The following FHOD3 variants were observed in gnomAD, a reference collection of about 807,000 sequenced individuals.
FHOD3 encodes formin homology 2 domain containing 3.
In FHOD3, 90 loss-of-function variants were observed where a neutral mutation model predicts 173.0. The observed-to-expected ratio is 0.52, with a 90% CI of 0.44 to 0.62. FHOD3 has a LOEUF of 0.62. FHOD3 is among the 20% of genes least tolerant of loss of function. FHOD3 has a pLI of 0.00. For synonymous variants in FHOD3, 828 were observed against 823.0 expected (o/e 1.01, Z -0.10); for missense variants, 1,945 against 2,034.7 (o/e 0.96, Z 0.85).
intron 1 of FHOD3, among the ~76,000 whole-genome samples, chr18:36,349,715 G>A (rs1167965703): frequency 6.6e-6 from 1 of 152,136 alleles, no homozygotes; most frequent in African/African-American, 2.4e-5. Context: ...TACATAAATC[G>A]AGACGTGACA....
At chr18:36,565,776 AAGAC>A (rs2058241999) in intron 5 of FHOD3, among the ~76,000 whole-genome samples, 2 of 152,226 alleles carry the variant, frequency 1.3e-5, no homozygotes, top group Non-Finnish European at 2.9e-5. Context: ...GAAGAGTGGG[AAGAC>A]AGACAAGCCA....
chr18:36,771,792 G>A (rs1308035084), intron 28 of FHOD3, among the ~76,000 whole-genome samples: 1 of 152,254 alleles, frequency 6.6e-6, no homozygotes, highest in Non-Finnish European at 1.5e-5. Flanking sequence ...GTTGGACCAA[G>A]GCTGTGAAGA....
chr18:36,534,290 G>A (rs373968051), intron 5 of FHOD3, among the ~76,000 whole-genome samples: 3 of 152,084 alleles, frequency 2.0e-5, no homozygotes, highest in African/African-American at 7.2e-5. Context: ...GGGTAATGCT[G>A]TGCTGTTGTT....
intron 14 of FHOD3, among the ~76,000 whole-genome samples, chr18:36,670,484 G>A (rs888590271): frequency 2.0e-5 from 3 of 151,762 alleles, no homozygotes; most frequent in South Asian, 2.1e-4. Flanking sequence ...CTTCAAGTTC[G>A]CTAATTATTT....
At chr18:36,362,419 G>A (rs769270955) in intron 2 of FHOD3, among the ~76,000 whole-genome samples, 2 of 152,222 alleles carry the variant, frequency 1.3e-5, no homozygotes, top group Non-Finnish European at 2.9e-5. Context: ...GGGAAATAGT[G>A]AGGTGATACA....
chr18:36,578,021 T>A (rs199512273), intron 6 of FHOD3, among the ~76,000 whole-genome samples: 47 of 152,240 alleles, frequency 3.1e-4, no homozygotes, highest in African/African-American at 1.1e-3. Context: ...AGAGTGGCTG[T>A]AGTGGGCAAC....
At chr18:36,435,458 G>A (rs1419948971) in intron 3 of FHOD3, among the ~76,000 whole-genome samples, 1 of 152,118 alleles carries the variant, frequency 6.6e-6, no homozygotes, top group Non-Finnish European at 1.5e-5. Context: ...ATCAGCATTA[G>A]TACTTTGTGG....
At position 36,693,304 on chromosome 18, in the gene FHOD3, T is replaced by C. The variant is rs756143998; in HGVS notation, c.2117T>C (p.Leu706Pro). The C allele has an allele frequency of 3.1e-6, 5 of 1,613,822 alleles. No individual in the cohort carries two copies. The highest frequency in any genetic ancestry group is 4.2e-6 in the Non-Finnish European group (5 of 1,179,834). The change falls in exon 17 of 29, where the codon CTG (leucine) becomes CCG (proline). Residue 706 changes from leucine (L) to proline (P), a missense_variant. Around this residue, in one of 5 missense-constraint regions of FHOD3, gnomAD observed 1,099 missense variants for 1,051.2 expected, o/e 1.05. Coordinates refer to ENST00000590592, the MANE Select transcript of FHOD3 (RefSeq NM_001281740.3). ...GGCAGAGCCGACCTCTCCTTGGACC[T>C]GACCTCGCCAGCAGCCCCAGCCTGC... is the stretch of plus-strand genomic sequence containing the variant. ...SRGRADLSLD[L>P]TSPAAPACLA...
intron 9 of FHOD3, among the ~76,000 whole-genome samples, chr18:36,620,520 G>A (rs1470680557): frequency 6.6e-6 from 1 of 152,208 alleles, no homozygotes; most frequent in Non-Finnish European, 1.5e-5. Context: ...TGTGCGACCT[G>A]TTTCCCTTTG....
intron 14 of FHOD3, among the ~76,000 whole-genome samples, chr18:36,662,870 C>G (rs2036906162): frequency 6.6e-6 from 1 of 152,216 alleles, no homozygotes; most frequent in African/African-American, 2.4e-5. Flanking sequence ...CCTCTTTCCT[C>G]AATCCCCTGG....
intron 6 of FHOD3, among the ~76,000 whole-genome samples, chr18:36,579,541 A>AGG (rs1478673465): frequency 6.6e-6 from 1 of 152,196 alleles, no homozygotes; most frequent in Non-Finnish European, 1.5e-5. Flanking sequence ...GTGATCCCCA[A>AGG]TGCAACAGTG....
intron 3 of FHOD3, among the ~76,000 whole-genome samples, chr18:36,417,874 C>A (rs543702504): frequency 1.3e-5 from 2 of 152,312 alleles, no homozygotes; most frequent in Admixed American, 1.3e-4. Flanking sequence ...TACCAACTTT[C>A]CATTTCCTTG....
chr18:36,373,664 T>G (rs2047300232), intron 3 of FHOD3, among the ~76,000 whole-genome samples: 1 of 152,192 alleles, frequency 6.6e-6, no homozygotes, highest in African/African-American at 2.4e-5. Context: ...TTCAGGTGAC[T>G]CAAACTTCAG....
intron 18 of FHOD3, among the ~76,000 whole-genome samples, chr18:36,711,782 T>G (rs908203464): frequency 6.6e-6 from 1 of 152,184 alleles, no homozygotes; most frequent in Non-Finnish European, 1.5e-5. Context: ...AAGTAAAACT[T>G]ATTCCCCTAG....
intron 14 of FHOD3, among the ~76,000 whole-genome samples, chr18:36,669,702 G>A (rs1432371027): frequency 2.0e-5 from 3 of 151,728 alleles, no homozygotes; most frequent in African/African-American, 7.2e-5. Flanking sequence ...TTTATGCTAC[G>A]GTGATCATGG....
chr18:36,630,958 C>G (rs776484260), intron 10 of FHOD3, among the ~76,000 whole-genome samples: 3 of 152,184 alleles, frequency 2.0e-5, no homozygotes, highest in Non-Finnish European at 4.4e-5. Context: ...AGCTTGTAGT[C>G]AGGAGAACAG....
intron 3 of FHOD3, among the ~76,000 whole-genome samples, chr18:36,393,597 C>T (rs1360751794): frequency 6.6e-6 from 1 of 152,154 alleles, no homozygotes; most frequent in Non-Finnish European, 1.5e-5. Context: ...CCGTAATCCC[C>T]ACCAATTCAG....
chr18:36,595,584 G>T (rs1462077669), intron 7 of FHOD3, among the ~76,000 whole-genome samples: 1 of 152,120 alleles, frequency 6.6e-6, no homozygotes, highest in Non-Finnish European at 1.5e-5. Flanking sequence ...GCCCATCCCT[G>T]TCTCTCCAAG....
chr18:36,515,248 C>T (rs533425020), intron 5 of FHOD3, among the ~76,000 whole-genome samples: 11 of 152,174 alleles, frequency 7.2e-5, no homozygotes, highest in East Asian at 1.9e-4. Context: ...GACAGAGTCT[C>T]GCTCTGTCAC....
Sources: allele counts gnomAD v4.1 joint callset (sites outside exome capture counted in the v4.1 genomes callset), GRCh38; gene constraint gnomAD v4.1.1; regional missense constraint gnomAD v4.1.1; transcripts MANE v1.5; gene names NCBI Gene and HGNC (gene_info 2026-07-23, HGNC 2026-07-21).